Variants in NAALADL2 observed in about 807,000 individuals in gnomAD.
NAALADL2 encodes N-acetylated alpha-linked acidic dipeptidase like 2, also known as inactive N-acetylated-alpha-linked acidic dipeptidase-like protein 2.
In NAALADL2, 76 loss-of-function variants were observed where a neutral mutation model predicts 87.2. That is an observed-to-expected ratio of 0.87 (90% CI 0.72 to 1.05). The LOEUF (loss-of-function observed/expected upper bound fraction) is 1.05. Ranked by LOEUF, NAALADL2 falls within the 50% of genes least tolerant of loss-of-function variation. NAALADL2 has a pLI of 0.00. For missense variants in NAALADL2, 1,089 were observed against 945.8 expected (o/e 1.15, Z -1.99); for synonymous variants, 354 against 331.0 (o/e 1.07, Z -0.75).
At chr3:175,601,711 T>C (rs979630922) in intron 10 of NAALADL2, among the ~76,000 whole-genome samples, 10 of 152,164 alleles carry the variant, frequency 6.6e-5, no homozygotes, top group African/African-American at 2.4e-4. Context: ...AGCTGACCCA[T>C]GAGTAAACAG....
chr3:174,909,816 C>T (rs1733458805), intron 1 of NAALADL2, among the ~76,000 whole-genome samples: 2 of 152,098 alleles, frequency 1.3e-5, no homozygotes, highest in African/African-American at 4.8e-5. Context: ...GTATGAATGT[C>T]ATAATTGTCA....
chr3:175,438,049 C>T (rs141911607), intron 5 of NAALADL2, among the ~76,000 whole-genome samples: 15 of 152,068 alleles, frequency 9.9e-5, no homozygotes, highest in South Asian at 2.1e-4. Flanking sequence ...AATTTTATAT[C>T]GTGAATCATG....
intron 1 of NAALADL2, among the ~76,000 whole-genome samples, chr3:175,017,704 T>C (rs1421234593): frequency 2.6e-5 from 4 of 152,114 alleles, no homozygotes; most frequent in Non-Finnish European, 2.9e-5. Context: ...TTCAATGATC[T>C]TTGTTTCCCC....
intron 11 of NAALADL2, among the ~76,000 whole-genome samples, chr3:175,659,967 G>T (rs919206738): frequency 1.3e-5 from 2 of 152,088 alleles, no homozygotes; most frequent in African/African-American, 4.8e-5. Context: ...GGAATTAATT[G>T]CTCACAGTTC....
At chr3:175,591,745 A>G in intron 10 of NAALADL2, among the ~76,000 whole-genome samples, 2 of 150,264 alleles carry the variant, frequency 1.3e-5, no homozygotes, top group Admixed American at 1.3e-4. Context: ...TTCTAGAAAT[A>G]TATATTTATA....
intron 2 of NAALADL2, chr3:174,551,182 A>C (rs539646487): frequency 9.2e-5 from 14 of 152,220 alleles, no homozygotes; most frequent in Admixed American, 3.9e-4. Context: ...TTGATGAGAT[A>C]GCAGTCTAAA....
Position 175,803,257 on chromosome 3 carries a change from T to A in NAALADL2, c.*54T>A. ...TTTACAATTCCACAAGCAAAAGCTC[T>A]AATTTAACCAGATTTTCTGACATTG... On this transcript the variant is annotated 3_prime_UTR_variant, in exon 14 of 14. Transcript: ENST00000454872. 7.4e-7 allele frequency: 1 copy of A among 1,347,662 alleles called. No homozygotes were observed. Among genetic ancestry groups the A allele is most frequent in the Non-Finnish European group, 1.0e-6 (1 of 988,036 alleles). The allele number at this position is 1,347,662 out of a possible 1,614,324, so 83.5% of individuals were successfully genotyped here. A position where few individuals can be genotyped will look rare whatever the true frequency, so the allele number is the denominator to read the frequency against.
At chr3:174,991,261 C>A (rs1216563975) in intron 1 of NAALADL2, among the ~76,000 whole-genome samples, 1 of 152,020 alleles carries the variant, frequency 6.6e-6, no homozygotes, top group Non-Finnish European at 1.5e-5. Flanking sequence ...ATACAAGAGA[C>A]AATTTTCCTT....
chr3:175,087,003 G>A (rs992004667), intron 1 of NAALADL2, among the ~76,000 whole-genome samples: 4 of 151,868 alleles, frequency 2.6e-5, no homozygotes, highest in African/African-American at 9.7e-5. Flanking sequence ...ACTTTTTTCA[G>A]ATAAAATTCT....
chr3:175,271,325 T>C (rs1752796280), intron 4 of NAALADL2, among the ~76,000 whole-genome samples: 1 of 152,144 alleles, frequency 6.6e-6, no homozygotes, highest in Admixed American at 6.5e-5. Context: ...TAGAAATAGA[T>C]TTAAAAAAAA....
At chr3:175,153,549 C>A (rs774587030) in intron 2 of NAALADL2, among the ~76,000 whole-genome samples, 1 of 152,190 alleles carries the variant, frequency 6.6e-6, no homozygotes, top group Non-Finnish European at 1.5e-5. Context: ...ACTGATCTAA[C>A]TTTTCCCACA....
At chr3:175,685,872 G>C (rs1030300005) in intron 11 of NAALADL2, among the ~76,000 whole-genome samples, 6 of 152,134 alleles carry the variant, frequency 3.9e-5, no homozygotes, top group African/African-American at 1.2e-4. Flanking sequence ...ACCTACATTA[G>C]GAAAGGCAAT....
At chr3:174,785,161 G>C (rs763091376) in intron 3 of NAALADL2, among the ~76,000 whole-genome samples, 2 of 152,124 alleles carry the variant, frequency 1.3e-5, no homozygotes, top group Non-Finnish European at 2.9e-5. Context: ...GTTAGCTTTT[G>C]AGCCCTTCCC....
chr3:175,493,779 T>C (rs966422548), intron 9 of NAALADL2, among the ~76,000 whole-genome samples: 1 of 152,194 alleles, frequency 6.6e-6, no homozygotes, highest in Non-Finnish European at 1.5e-5. Flanking sequence ...TTATGTTGTT[T>C]TGCATTTCTT....
chr3:175,787,187 G>A (rs1437561504), intron 13 of NAALADL2, among the ~76,000 whole-genome samples: 1 of 152,188 alleles, frequency 6.6e-6, no homozygotes, highest in Non-Finnish European at 1.5e-5. Context: ...CCTGCCCCCA[G>A]AGGTGGAGCC....
At chr3:175,464,093 C>G (rs191088235) in intron 7 of NAALADL2, among the ~76,000 whole-genome samples, 1 of 152,098 alleles carries the variant, frequency 6.6e-6, no homozygotes, top group Admixed American at 6.5e-5. Context: ...GCCTTGGCCT[C>G]CCAAAGTGCT....
intron 5 of NAALADL2, among the ~76,000 whole-genome samples, chr3:175,446,956 A>G (rs2149221012): frequency 6.6e-6 from 1 of 152,092 alleles, no homozygotes; most frequent in South Asian, 2.1e-4. Flanking sequence ...TTTTGTCATC[A>G]TTTTAGTGGA....
intron 2 of NAALADL2, among the ~76,000 whole-genome samples, chr3:174,610,223 C>T (rs903990608): frequency 3.3e-4 from 50 of 151,508 alleles, no homozygotes; most frequent in African/African-American, 1.1e-3. Flanking sequence ...TAGAAGAAAA[C>T]CTAGGCATTA....
chr3:174,468,331 C>T (rs374273865), intron 1 of NAALADL2, among the ~76,000 whole-genome samples: 25 of 151,742 alleles, frequency 1.6e-4, no homozygotes, highest in African/African-American at 5.1e-4. Flanking sequence ...CAGTGTATTC[C>T]GTTGCTAAGT....
Sources: gnomAD v4.1 joint callset for allele counts (sites outside exome capture counted in the v4.1 genomes callset) on GRCh38, gnomAD v4.1.1 for gene constraint, MANE v1.5 for transcripts, NCBI Gene and HGNC (gene_info 2026-07-23, HGNC 2026-07-21) for gene names.